The following PPP1R21 variants were observed in gnomAD, a reference collection of about 807,000 sequenced individuals.
The protein encoded by PPP1R21 is KLRAQ motif containing 1.
PPP1R21 carries 85 observed loss-of-function variants against 112.8 expected under a neutral mutation model. The ratio of observed to expected loss-of-function variants is 0.75; its 90% CI spans 0.63 to 0.90. PPP1R21 has a LOEUF of 0.90. PPP1R21 is among the 40% of genes least tolerant of loss of function. The probability of loss-of-function intolerance (pLI) is 0.00; values close to 1 mark genes in which losing one functional copy is unlikely to be tolerated. For missense variants in PPP1R21, 1,199 were observed against 901.5 expected (o/e 1.33, Z -4.23); for synonymous variants, 381 against 322.3 (o/e 1.18, Z -1.95).
At chr2:48,460,208 G>A (rs1667916825) in intron 6 of PPP1R21, 55 bp downstream of exon 6, 11 of 1,567,174 alleles carry the variant, frequency 7.0e-6, no homozygotes, top group Non-Finnish European at 9.7e-6. Flanking sequence ...AGAAGACATG[G>A]GTTTTGGTTG....
intron 21 of PPP1R21, among the ~76,000 whole-genome samples, chr2:48,514,337 C>T (rs970013518): frequency 3.9e-5 from 6 of 152,222 alleles, no homozygotes; most frequent in Middle Eastern, 6.8e-3. Context: ...CCACCCGCCT[C>T]GGCCTCCCAA....
chr2:48,469,452 C>CATAT (rs571148892), intron 9 of PPP1R21, among the ~76,000 whole-genome samples: 1 of 34,696 alleles, frequency 2.9e-5, no homozygotes, highest in Non-Finnish European at 5.8e-5. Context: ...ATAGAGAGAG[C>CATAT]ATATATATAT....
intron 14 of PPP1R21, among the ~76,000 whole-genome samples, chr2:48,489,181 A>G (rs1222379605): frequency 1.3e-5 from 2 of 152,186 alleles, no homozygotes; most frequent in Non-Finnish European, 2.9e-5. Flanking sequence ...TCTTTAATGT[A>G]TACAAGACTG....
At chr2:48,505,723 G>T in intron 18 of PPP1R21, 127 bp downstream of exon 18, 1 of 791,710 alleles carries the variant, frequency 1.3e-6, no homozygotes, top group Non-Finnish European at 2.2e-6. Context: ...TCTAGCAAAT[G>T]TGGAGCCAGT....
intron 7 of PPP1R21, 126 bp from the exon 8 acceptor site, chr2:48,464,811 T>C: frequency 1.6e-6 from 1 of 624,672 alleles, no homozygotes; most frequent in Non-Finnish European, 2.8e-6. Context: ...TTATTCTGTA[T>C]TGTTGATCAT....
intron 6 of PPP1R21, 22 bp downstream of exon 6, chr2:48,460,175 A>G: frequency 1.2e-6 from 2 of 1,613,458 alleles, no homozygotes; most frequent in African/African-American, 1.3e-5. Flanking sequence ...CTTGAATTCC[A>G]AGAGGGTTCT....
chr2:48,456,180 G>A (rs1298765359), intron 3 of PPP1R21, among the ~76,000 whole-genome samples: 3 of 151,872 alleles, frequency 2.0e-5, no homozygotes, highest in Non-Finnish European at 1.5e-5. Context: ...TTTATATGGT[G>A]AGGTGGGATT....
chr2:48,442,213 G>A (rs1667060505), intron 1 of PPP1R21, among the ~76,000 whole-genome samples: 1 of 152,228 alleles, frequency 6.6e-6, no homozygotes, highest in Admixed American at 6.5e-5. Context: ...TGTGATGAAG[G>A]GAGGTGGGTG....
chr2:48,507,873 C>T (rs1255961847), intron 19 of PPP1R21, among the ~76,000 whole-genome samples: 1 of 144,436 alleles, frequency 6.9e-6, no homozygotes, highest in Non-Finnish European at 1.5e-5. Context: ...TCGAGCGATT[C>T]TCCCGCCCCA....
chr2:48,496,199 T>A (rs1033894819), intron 16 of PPP1R21, among the ~76,000 whole-genome samples: 8 of 152,004 alleles, frequency 5.3e-5, no homozygotes, highest in African/African-American at 1.9e-4. Flanking sequence ...AGGCACTGTC[T>A]TTTTCAGAAA....
intron 13 of PPP1R21, among the ~76,000 whole-genome samples, chr2:48,481,989 C>A (rs1377374560): frequency 6.6e-6 from 1 of 152,110 alleles, no homozygotes; most frequent in African/African-American, 2.4e-5. Flanking sequence ...AAATGAATTT[C>A]TTATTTAGAC....
intron 11 of PPP1R21, among the ~76,000 whole-genome samples, chr2:48,472,368 G>T (rs780983798): frequency 2.3e-4 from 35 of 151,962 alleles, no homozygotes; most frequent in Non-Finnish European, 4.3e-4. Context: ...GCTCATGCCT[G>T]TAGTCCCAGC....
chr2:48,514,798 G>T lies in PPP1R21; in HGVS notation c.*54G>T, dbSNP rs1344428458. The stretch of plus-strand genomic sequence containing the variant: ...TTTCCAGACCTGCTCCTGCTGCACA[G>T]AGCCGCAGGGCTGAGACCACGTCCA... On this transcript the variant is annotated 3_prime_UTR_variant, in exon 22 of 22. Coordinates refer to ENST00000294952, the MANE Select transcript of PPP1R21 (RefSeq NM_001135629.3). 1.3e-6 allele frequency: 2 copies of T among 1,593,030 alleles called. No homozygotes were observed. The highest frequency in any genetic ancestry group is 2.2e-5 in the East Asian group (1 of 44,836).
intron 13 of PPP1R21, among the ~76,000 whole-genome samples, chr2:48,482,793 A>G (rs897195647): frequency 6.6e-6 from 1 of 151,984 alleles, no homozygotes; most frequent in Non-Finnish European, 1.5e-5. Context: ...TCAACTTTTA[A>G]GTTCAGGGGT....
intron 11 of PPP1R21, 87 bp downstream of exon 11, chr2:48,471,454 C>T: frequency 5.4e-6 from 7 of 1,296,838 alleles, no homozygotes; most frequent in Non-Finnish European, 7.4e-6. Flanking sequence ...ACATGTGCCT[C>T]TTGTGATCTG....
At chr2:48,445,995 A>G (rs113010753) in intron 1 of PPP1R21, among the ~76,000 whole-genome samples, 1 of 152,198 alleles carries the variant, frequency 6.6e-6, no homozygotes, top group Admixed American at 6.5e-5. Flanking sequence ...GCTTTGAATC[A>G]GGGTTTTGGT....
intron 2 of PPP1R21, among the ~76,000 whole-genome samples, chr2:48,451,754 C>G (rs1367515497): frequency 1.3e-5 from 2 of 152,242 alleles, no homozygotes; most frequent in African/African-American, 4.8e-5. Flanking sequence ...GTCTAGCTCA[C>G]TCTTTTGCTC....
In PPP1R21 at chr2:48,486,726, T is replaced by C; in HGVS notation, c.1414T>C (p.Ser472Pro). Residue 472 changes from serine (S) to proline (P), a missense_variant, in exon 14 of 22, where the codon TCA becomes CCA. Physicochemically the swap from Ser to Pro is moderately conservative, Grantham distance 74. Coordinates refer to ENST00000294952, the MANE Select transcript of PPP1R21 (RefSeq NM_001135629.3). ...LITTNDCILS[S>P]VVALTNGAGK... is the part of the protein sequence containing the mutation. ...AACAACTAATGACTGTATCCTGTCA[T>C]CAGTAGTGGCATTAACAAATGGAGC... 6.2e-7 allele frequency: 1 copy of C among 1,613,988 alleles called. No homozygotes were observed. Among genetic ancestry groups the C allele is most frequent in the Non-Finnish European group, 8.5e-7 (1 of 1,179,950 alleles).
intron 9 of PPP1R21, among the ~76,000 whole-genome samples, chr2:48,467,039 T>C (rs1668236877): frequency 6.6e-6 from 1 of 152,182 alleles, no homozygotes; most frequent in Admixed American, 6.5e-5. Context: ...CTCTCCCTGA[T>C]TGTACTCACA....
Sources: allele counts gnomAD v4.1 joint callset (sites outside exome capture counted in the v4.1 genomes callset), GRCh38; gene constraint gnomAD v4.1.1; transcripts MANE v1.5; gene names NCBI Gene and HGNC (gene_info 2026-07-23, HGNC 2026-07-21).